SLAMF9: variants seen among roughly 807,000 people sequenced by gnomAD.
SLAMF9 encodes CD2 family member 10.
In SLAMF9, 25 loss-of-function variants were observed where a neutral mutation model predicts 30.4. The ratio of observed to expected loss-of-function variants is 0.82; its 90% CI spans 0.60 to 1.15. SLAMF9 has a LOEUF of 1.15. SLAMF9 is among the 50% of genes most tolerant of loss of function. The pLI is 0.00. For missense variants in SLAMF9, 344 were observed against 346.1 expected (o/e 0.99, Z 0.05); for synonymous variants, 129 against 127.2 (o/e 1.01, Z -0.09).
At chr1:159,958,552 C>T (rs999220853), upstream of SLAMF9, among the ~76,000 whole-genome samples, 10 of 152,012 alleles carry the variant, frequency 6.6e-5, no homozygotes, top group African/African-American at 1.5e-4. Flanking sequence ...CCTCAACCTC[C>T]TGGGCTCAAG....
chr1:159,963,861 C>T, the SLAMF9 span, among the ~76,000 whole-genome samples: 1 of 152,130 alleles, frequency 6.6e-6, no homozygotes, highest in Admixed American at 6.6e-5. Flanking sequence ...GAGTTCAAAA[C>T]CAGCCTGGCC....
rs750183545 is a variant in SLAMF9, at chr1:159,951,618, C to A, written c.*43G>T. ...GAGCTGAGGAAGGATTCTCTGGGTG[C>A]TGGGAAGAAACCAAGCTCAGGACTG... On this transcript the variant is annotated 3_prime_UTR_variant, in exon 4 of 4. Coordinates refer to ENST00000368093, the MANE Select transcript of SLAMF9 (RefSeq NM_033438.4). 3.8e-6 allele frequency: 6 copies of A among 1,587,300 alleles called. No individual in the cohort carries two copies. The highest frequency in any genetic ancestry group is 5.2e-6 in the Non-Finnish European group (6 of 1,158,354).
chr1:159,964,095 C>T, the SLAMF9 span, among the ~76,000 whole-genome samples: 1 of 152,110 alleles, frequency 6.6e-6, no homozygotes, highest in South Asian at 2.1e-4. Context: ...GACAGAAACA[C>T]TGATTTGGAC....
upstream of SLAMF9, among the ~76,000 whole-genome samples, chr1:159,957,711 G>A (rs1007451788): frequency 3.9e-5 from 6 of 152,248 alleles, no homozygotes; most frequent in Non-Finnish European, 8.8e-5. Context: ...TAATTAGCTC[G>A]ATTTAGCCAT....
the SLAMF9 span, among the ~76,000 whole-genome samples, chr1:159,960,402 C>T: frequency 6.6e-6 from 1 of 151,718 alleles, no homozygotes; most frequent in Non-Finnish European, 1.5e-5. Flanking sequence ...TGATGGAGTG[C>T]CCCATGAAGT....
the SLAMF9 span, among the ~76,000 whole-genome samples, chr1:159,979,717 T>C: frequency 5.9e-5 from 9 of 152,008 alleles, no homozygotes; most frequent in African/African-American, 2.2e-4. Context: ...TTCTACTATA[T>C]GTAAGTAAAA....
At chr1:159,958,171 G>A (rs1651967719), upstream of SLAMF9, among the ~76,000 whole-genome samples, 1 of 152,226 alleles carries the variant, frequency 6.6e-6, no homozygotes, top group African/African-American at 2.4e-5. Flanking sequence ...CGGGAACAGC[G>A]TAGATCCCGA....
upstream of SLAMF9, among the ~76,000 whole-genome samples, chr1:159,956,628 G>A (rs1235966922): frequency 5.3e-5 from 8 of 152,128 alleles, no homozygotes; most frequent in Non-Finnish European, 1.0e-4. Context: ...TCCTCCTGGA[G>A]TGAGGAAAGC....
At chr1:159,973,998 T>G in the SLAMF9 span, 1 of 1,609,598 alleles carries the variant, frequency 6.2e-7, no homozygotes, top group Non-Finnish European at 8.5e-7. Flanking sequence ...CTTCCATCCC[T>G]GACATCACAG....
chr1:159,972,932 C>A, the SLAMF9 span: 10 of 1,028,292 alleles, frequency 9.7e-6, no homozygotes, highest in Non-Finnish European at 1.3e-5. Flanking sequence ...CTCCTCTCCT[C>A]CCAGGGGGTC....
upstream of SLAMF9, among the ~76,000 whole-genome samples, chr1:159,958,047 G>C (rs369180749): frequency 1.2e-4 from 19 of 152,352 alleles, no homozygotes; most frequent in South Asian, 3.9e-3. Context: ...GGCACCGACT[G>C]CCCGTTAGAG....
intron 1 of SLAMF9, 93 bp from the exon 2 acceptor site, chr1:159,953,746 C>A (rs1308586394): frequency 1.8e-5 from 20 of 1,138,326 alleles, no homozygotes; most frequent in Non-Finnish European, 2.3e-5. Context: ...GTAATCTCAG[C>A]TGGGCAGCTT....
the SLAMF9 span, among the ~76,000 whole-genome samples, chr1:159,969,218 G>A: frequency 6.8e-6 from 1 of 146,016 alleles, no homozygotes; most frequent in Non-Finnish European, 1.5e-5. Flanking sequence ...ACAATTTCTA[G>A]CACTAGGGAT....
chr1:159,981,034 C>T, the SLAMF9 span, among the ~76,000 whole-genome samples: 1 of 152,220 alleles, frequency 6.6e-6, no homozygotes, highest in African/African-American at 2.4e-5. Flanking sequence ...TATCTCTTAC[C>T]TTCTGTGATG....
chr1:159,976,169 T>C, the SLAMF9 span, among the ~76,000 whole-genome samples: 1 of 152,018 alleles, frequency 6.6e-6, no homozygotes, highest in African/African-American at 2.4e-5. Flanking sequence ...AATATCTATA[T>C]AATATATATG....
At position 159,952,238 on chromosome 1, in the gene SLAMF9, G is replaced by C. The variant is rs779092245; in HGVS notation, c.664+24C>G. On this transcript the variant is annotated intron_variant, in intron 3 of 3. Coordinates refer to ENST00000368093, the MANE Select transcript of SLAMF9 (RefSeq NM_033438.4). ...TAGGCACTATCTTTCATGAGCTCAG[G>C]GGGTGTCTCAGGGGTTCTGGTACCT... 8.1e-6 allele frequency: 13 copies of C among 1,612,366 alleles called. No individual in the cohort carries two copies. The Admixed American group carries it at 2.0e-4, about 25-fold the overall frequency.
chr1:159,956,579 G>A (rs901933161), upstream of SLAMF9, among the ~76,000 whole-genome samples: 1 of 152,148 alleles, frequency 6.6e-6, no homozygotes, highest in Non-Finnish European at 1.5e-5. Context: ...TGAGTGCAAA[G>A]CCACTCAGCT....
At chr1:159,965,844 CATAATT>C in the SLAMF9 span, among the ~76,000 whole-genome samples, 6 of 152,120 alleles carry the variant, frequency 3.9e-5, no homozygotes, top group African/African-American at 1.4e-4. Context: ...ATTAACAAAT[CATAATT>C]ATATTACATT....
chr1:159,973,227 C>T, the SLAMF9 span: 1 of 1,163,154 alleles, frequency 8.6e-7, no homozygotes, highest in Admixed American at 1.8e-5. Flanking sequence ...AACCAGGCTT[C>T]CCTCTTAGGG....
Sources: gnomAD v4.1 joint callset for allele counts (sites outside exome capture counted in the v4.1 genomes callset) on GRCh38, gnomAD v4.1.1 for gene constraint, MANE v1.5 for transcripts, NCBI Gene and HGNC (gene_info 2026-07-23, HGNC 2026-07-21) for gene names.